RAD52: variants seen among roughly 807,000 people sequenced by gnomAD.
RAD52 encodes the protein DNA repair protein RAD52 homolog.
Under a neutral mutation model 55.5 loss-of-function variants are expected in RAD52, and 47 were observed. The observed-to-expected ratio is 0.85, with a 90% CI of 0.67 to 1.08. RAD52 has a LOEUF of 1.08. RAD52 is among the 50% of genes least tolerant of loss of function. The pLI, the probability that RAD52 is intolerant of heterozygous loss-of-function variation, is 0.00. For missense variants in RAD52, 468 were observed against 522.8 expected (o/e 0.90, Z 1.02); for synonymous variants, 184 against 198.9 (o/e 0.92, Z 0.63).
chr12:932,261 G>A (rs541909379), intron 2 of RAD52, among the ~76,000 whole-genome samples: 4 of 152,298 alleles, frequency 2.6e-5, no homozygotes, highest in South Asian at 2.1e-4. Context: ...TTGGGAGGCC[G>A]AGGCAGGCGG....
intron 1 of RAD52, among the ~76,000 whole-genome samples, chr12:961,309 C>CAAACAAAAAAAAAAAAAAAAAAAAAAAA (rs1958680751): frequency 3.0e-5 from 1 of 33,810 alleles, no homozygotes; most frequent in South Asian, 1.7e-3. Flanking sequence ...GACTCCATCT[C>CAAACAAAAAAAAAAAAAAAAAAAAAAAA]AAAAAAAAAA....
intron 1 of RAD52, among the ~76,000 whole-genome samples, chr12:957,834 G>A (rs1958629537): frequency 6.6e-6 from 1 of 152,226 alleles, no homozygotes; most frequent in Non-Finnish European, 1.5e-5. Flanking sequence ...TTGCCATTTG[G>A]CTTAGGCATT....
intron 1 of RAD52, among the ~76,000 whole-genome samples, chr12:980,220 G>GA (rs1179482249): frequency 5.3e-5 from 8 of 151,758 alleles, no homozygotes; most frequent in Admixed American, 2.6e-4. Flanking sequence ...GGAGGGAAGA[G>GA]AGTTATTTAT....
At chr12:922,853 C>T (rs1565657086) in intron 7 of RAD52, among the ~76,000 whole-genome samples, 1 of 151,944 alleles carries the variant, frequency 6.6e-6, no homozygotes, top group African/African-American at 2.4e-5. Flanking sequence ...TATTTTGAGA[C>T]AGAATCTCAC....
At chr12:934,112 A>C (rs1957484344) in intron 1 of RAD52, among the ~76,000 whole-genome samples, 1 of 150,886 alleles carries the variant, frequency 6.6e-6, no homozygotes. Flanking sequence ...TCAAAAAAAA[A>C]AAAAAACAAA....
intron 10 of RAD52, 68 bp from the exon 11 acceptor site, chr12:914,189 A>C: frequency 6.8e-7 from 1 of 1,465,000 alleles, no homozygotes; most frequent in Non-Finnish European, 9.4e-7. Flanking sequence ...GCACTGGAAA[A>C]ACTGGCCCTC....
intron 1 of RAD52, among the ~76,000 whole-genome samples, chr12:963,764 G>C (rs1467887146): frequency 6.6e-6 from 1 of 151,730 alleles, no homozygotes; most frequent in Non-Finnish European, 1.5e-5. Flanking sequence ...AACTTTGGGG[G>C]TTCTATTTAT....
chr12:982,122 G>A (rs559265839), intron 1 of RAD52, among the ~76,000 whole-genome samples: 39 of 152,216 alleles, frequency 2.6e-4, no homozygotes, highest in African/African-American at 8.9e-4. Context: ...TTTCTTAAAG[G>A]GTAACATGTG....
At chr12:927,071 T>C (rs1957075143) in intron 6 of RAD52, 74 bp downstream of exon 6, 1 of 1,541,364 alleles carries the variant, frequency 6.5e-7, no homozygotes, top group Admixed American at 1.7e-5. Flanking sequence ...TGTTACCTCT[T>C]CCAAAAAAAA....
chr12:952,023 G>T (rs949775968), upstream of RAD52, among the ~76,000 whole-genome samples: 15 of 152,192 alleles, frequency 9.9e-5, no homozygotes, highest in African/African-American at 3.6e-4. Flanking sequence ...TGGTGCAGTG[G>T]CACGGTCATA....
upstream of RAD52, chr12:990,481 C>T (rs569057947): frequency 1.6e-4 from 25 of 152,314 alleles, no homozygotes; most frequent in African/African-American, 6.0e-4. Context: ...ATAAACAGCT[C>T]CCGAAGCAGC....
At chr12:979,614 G>C (rs986274626) in intron 1 of RAD52, among the ~76,000 whole-genome samples, 3 of 152,140 alleles carry the variant, frequency 2.0e-5, no homozygotes, top group Non-Finnish European at 4.4e-5. Flanking sequence ...GACACAGTGA[G>C]AAGATGGCTG....
chr12:979,360 G>A (rs1592496165), intron 1 of RAD52, among the ~76,000 whole-genome samples: 2 of 152,142 alleles, frequency 1.3e-5, no homozygotes, highest in Non-Finnish European at 1.5e-5. Flanking sequence ...AGAATCGCTT[G>A]AACCTGGGAG....
At chr12:947,456 T>C (rs555031805) in intron 1 of RAD52, among the ~76,000 whole-genome samples, 2 of 150,182 alleles carry the variant, frequency 1.3e-5, no homozygotes, top group South Asian at 4.2e-4. Flanking sequence ...GAGACCAGCA[T>C]TGCCAACACG....
chr12:991,024 G>C (rs1959183209), upstream of RAD52: 1 of 151,860 alleles, frequency 6.6e-6, no homozygotes, highest in Non-Finnish European at 1.5e-5. Context: ...CCGTGGCGCC[G>C]ATTTCCCCCG....
At chr12:972,435 C>G (rs941141017) in intron 1 of RAD52, among the ~76,000 whole-genome samples, 1 of 152,006 alleles carries the variant, frequency 6.6e-6, no homozygotes, top group Non-Finnish European at 1.5e-5. Flanking sequence ...AGGAAGCAAG[C>G]CTTGAGGCAA....
At chr12:917,291 G>A (rs765620821) in intron 7 of RAD52, among the ~76,000 whole-genome samples, 5 of 152,160 alleles carry the variant, frequency 3.3e-5, no homozygotes, top group African/African-American at 1.2e-4. Flanking sequence ...CACGGACGCC[G>A]GCTGCCAGCC....
chr12:973,209 A>G (rs1958889981), intron 1 of RAD52, among the ~76,000 whole-genome samples: 1 of 151,934 alleles, frequency 6.6e-6, no homozygotes, highest in Non-Finnish European at 1.5e-5. Context: ...AGCTGGGACT[A>G]CAGGCGCCCG....
chr12:963,604 T>G (rs914878000), intron 1 of RAD52, among the ~76,000 whole-genome samples: 1 of 152,166 alleles, frequency 6.6e-6, no homozygotes, highest in Non-Finnish European at 1.5e-5. Context: ...ATACTTTACA[T>G]GTCTTTATAT....
Sources: gnomAD v4.1 joint callset for allele counts (sites outside exome capture counted in the v4.1 genomes callset) on GRCh38, gnomAD v4.1.1 for gene constraint, MANE v1.5 for transcripts, NCBI Gene and HGNC (gene_info 2026-07-23, HGNC 2026-07-21) for gene names.